ZBTB20: variants seen among roughly 807,000 people sequenced by gnomAD.
ZBTB20 encodes the protein zinc finger and BTB domain-containing protein 20.
Under a neutral mutation model 56.9 loss-of-function variants are expected in ZBTB20, and 9 were observed. That is an observed-to-expected ratio of 0.16 (90% CI 0.10 to 0.28). The LOEUF (loss-of-function observed/expected upper bound fraction) is 0.28. Among genes scored for constraint, ZBTB20 ranks in the 10% least tolerant of loss-of-function variants. ZBTB20 has a pLI of 1.00. For synonymous variants in ZBTB20, 417 were observed against 420.7 expected (o/e 0.99, Z 0.11); for missense variants, 655 against 1,003.0 (o/e 0.65, Z 4.69).
chr3:114,526,404 T>A (rs914970859), intron 6 of ZBTB20, among the ~76,000 whole-genome samples: 6 of 152,232 alleles, frequency 3.9e-5, no homozygotes, highest in African/African-American at 1.4e-4. Context: ...CATTCTGTCC[T>A]GCATTTTTTA....
intron 5 of ZBTB20, among the ~76,000 whole-genome samples, chr3:114,787,533 TATA>T (rs1392400160): frequency 1.3e-5 from 2 of 151,412 alleles, no homozygotes. Flanking sequence ...AAGACAAAAC[TATA>T]ATGATAAAAA....
intron 4 of ZBTB20, among the ~76,000 whole-genome samples, chr3:114,867,996 C>T (rs1364655549): frequency 6.6e-6 from 1 of 152,210 alleles, no homozygotes; most frequent in Non-Finnish European, 1.5e-5. Flanking sequence ...GGGCCAGTAT[C>T]GTAACTTCAC....
intron 7 of ZBTB20, among the ~76,000 whole-genome samples, chr3:114,418,659 A>G (rs1349781780): frequency 6.6e-6 from 1 of 151,964 alleles, no homozygotes; most frequent in Non-Finnish European, 1.5e-5. Context: ...TAGAAGTTTC[A>G]TTACTCAGGG....
At chr3:114,814,916 T>G (rs527784856) in intron 4 of ZBTB20, among the ~76,000 whole-genome samples, 12 of 152,298 alleles carry the variant, frequency 7.9e-5, no homozygotes, top group Admixed American at 6.5e-4. Flanking sequence ...GGCAGCTTTT[T>G]TCTAAGTTGT....
At chr3:114,471,357 T>C (rs1419258098) in intron 7 of ZBTB20, among the ~76,000 whole-genome samples, 1 of 152,210 alleles carries the variant, frequency 6.6e-6, no homozygotes, top group Admixed American at 6.5e-5. Context: ...GGCATTTTAC[T>C]CCAGAGCTTT....
Position 114,352,703 on chromosome 3 carries a change from A to T in ZBTB20, c.200-825T>A, listed in dbSNP as rs946027070. Reference sequence around the variant, plus strand: ...GAGGCTTAATGAAGGAGGAATGTTAAAAAGGTCAGAGATGGCAGTTCTGAC... The same window carrying T: ...GAGGCTTAATGAAGGAGGAATGTTATAAAGGTCAGAGATGGCAGTTCTGAC... On this transcript the variant is annotated intron_variant, in intron 10 of 11. Transcript: ENST00000675478. 5.9e-5 allele frequency among the ~76,000 whole-genome samples: 9 copies of T among 152,226 alleles called. No individual in the cohort carries two copies. In the East Asian group the frequency reaches 1.3e-3, roughly 23 times the overall value.
At chr3:114,433,609 CCTT>C in intron 7 of ZBTB20, among the ~76,000 whole-genome samples, 1 of 152,252 alleles carries the variant, frequency 6.6e-6, no homozygotes, top group African/African-American at 2.4e-5. Flanking sequence ...TACTACTATA[CCTT>C]TTATTTCTGA....
chr3:114,899,639 A>G (rs372783252), intron 4 of ZBTB20, among the ~76,000 whole-genome samples: 2 of 152,180 alleles, frequency 1.3e-5, no homozygotes, highest in East Asian at 3.8e-4. Flanking sequence ...ACATCAAGTA[A>G]GAATCTTTCA....
intron 7 of ZBTB20, among the ~76,000 whole-genome samples, chr3:114,437,935 G>T (rs2090625626): frequency 6.6e-6 from 1 of 152,114 alleles, no homozygotes; most frequent in African/African-American, 2.4e-5. Flanking sequence ...TCTGGGGTCT[G>T]CTCCAGGCCT....
intron 2 of ZBTB20, among the ~76,000 whole-genome samples, chr3:114,988,885 T>G (rs1252465881): frequency 2.0e-5 from 3 of 152,234 alleles, no homozygotes; most frequent in Non-Finnish European, 4.4e-5. Context: ...CTCTGTTGGC[T>G]GCATAAATGT....
At chr3:114,633,815 C>A (rs1266293509) in intron 6 of ZBTB20, among the ~76,000 whole-genome samples, 3 of 152,028 alleles carry the variant, frequency 2.0e-5, no homozygotes, top group Admixed American at 2.0e-4. Context: ...TTTTGTTTCT[C>A]CAAATCTAGA....
At chr3:114,843,308 T>A (rs181330196) in intron 4 of ZBTB20, among the ~76,000 whole-genome samples, 7 of 152,232 alleles carry the variant, frequency 4.6e-5, no homozygotes, top group South Asian at 2.1e-4. Flanking sequence ...CCTTAATCTA[T>A]CTCCCCCTGA....
intron 7 of ZBTB20, among the ~76,000 whole-genome samples, chr3:114,389,519 A>C (rs979033362): frequency 1.6e-4 from 24 of 152,084 alleles, no homozygotes; most frequent in Non-Finnish European, 2.8e-4. Context: ...CACACATAAA[A>C]ATTGTATATA....
intron 5 of ZBTB20, among the ~76,000 whole-genome samples, chr3:114,780,202 T>C (rs751504266): frequency 3.3e-5 from 5 of 152,116 alleles, no homozygotes; most frequent in Non-Finnish European, 7.4e-5. Flanking sequence ...AGTCTTCCCA[T>C]AGGGACTTTT....
chr3:114,374,522 A>T (rs2083391977), intron 10 of ZBTB20, among the ~76,000 whole-genome samples: 2 of 152,194 alleles, frequency 1.3e-5, no homozygotes, highest in Admixed American at 1.3e-4. Context: ...CCTAAATTCC[A>T]TAAATAAACT....
intron 3 of ZBTB20, among the ~76,000 whole-genome samples, chr3:114,947,276 T>C (rs2076917365): frequency 6.9e-6 from 1 of 145,778 alleles, no homozygotes; most frequent in African/African-American, 2.8e-5. Flanking sequence ...CAAAAATAGA[T>C]CTACTATTTA....
chr3:114,680,527 T>C (rs2061908067), intron 6 of ZBTB20, among the ~76,000 whole-genome samples: 2 of 152,172 alleles, frequency 1.3e-5, no homozygotes, highest in Non-Finnish European at 2.9e-5. Flanking sequence ...CAAGTAATGA[T>C]GTCCAAATGC....
rs1354942721 is a variant in ZBTB20 at position 115,094,542 on chromosome 3, C to CT, written c.-702-23129dup. Among the ~76,000 whole-genome samples, 715 of 140,728 alleles carry CT rather than the reference C, an allele frequency of 5.1e-3. 6 individuals carry two copies. The highest frequency in any genetic ancestry group is 0.01 in the African/African-American group (400 of 38,578). 92.3% of individuals were successfully genotyped at this position (140,728 alleles called of 152,430 possible). A position where few individuals can be genotyped will look rare whatever the true frequency, so the allele number is the denominator to read the frequency against. On this transcript the variant is annotated intron_variant, in intron 1 of 11. Transcript: ENST00000675478. ...ATTTCTAGTTTTCTGCTAGTAATAG[C>CT]TTTTTTTTTTTTTTAACTAAGTTTT...
chr3:115,073,523 C>T (rs1391697080), intron 1 of ZBTB20, among the ~76,000 whole-genome samples: 1 of 151,950 alleles, frequency 6.6e-6, no homozygotes, highest in African/African-American at 2.4e-5. Context: ...ACAAAAGCAA[C>T]GTTAAAATAT....
Sources: allele counts gnomAD v4.1 joint callset (sites outside exome capture counted in the v4.1 genomes callset), GRCh38; gene constraint gnomAD v4.1.1; transcripts MANE v1.5; gene names NCBI Gene and HGNC (gene_info 2026-07-23, HGNC 2026-07-21).